The following LPCAT1 variants were observed in gnomAD, a reference collection of about 807,000 sequenced individuals.
LPCAT1 encodes the protein lysophosphatidylcholine acyltransferase 1, also known as 1-acylglycerol-3-phosphate O-acyltransferase.
LPCAT1 carries 23 observed loss-of-function variants against 60.9 expected under a neutral mutation model. That is an observed-to-expected ratio of 0.38 (90% CI 0.27 to 0.53). The LOEUF (loss-of-function observed/expected upper bound fraction) is 0.53. Among genes scored for constraint, LPCAT1 ranks in the 20% least tolerant of loss-of-function variants. The pLI, the probability that LPCAT1 is intolerant of heterozygous loss-of-function variation, is 0.82. For synonymous variants in LPCAT1, 340 were observed against 301.1 expected (o/e 1.13, Z -1.34); for missense variants, 622 against 723.6 (o/e 0.86, Z 1.61).
chr5:1,463,870 G>C (rs1734213837), intron 13 of LPCAT1, 35 bp from the exon 14 acceptor site: 1 of 1,605,756 alleles, frequency 6.2e-7, no homozygotes, highest in Non-Finnish European at 8.5e-7. Context: ...TTATGGAATG[G>C]GGACGAGCAA....
chr5:1,468,087 A>G (rs914957307), intron 12 of LPCAT1, among the ~76,000 whole-genome samples: 1 of 151,980 alleles, frequency 6.6e-6, no homozygotes, highest in Non-Finnish European at 1.5e-5. Context: ...TCAGGGAAGA[A>G]ACGCTGACGC....
At chr5:1,479,801 C>T in intron 7 of LPCAT1, 126 bp from the exon 8 acceptor site, 1 of 719,184 alleles carries the variant, frequency 1.4e-6, no homozygotes, top group Non-Finnish European at 2.4e-6. Context: ...GTCAACGCTC[C>T]CACGGAGGGG....
In LPCAT1 at chr5:1,512,524, G is replaced by A. The variant is rs975044248; in HGVS notation, c.136-10921C>T. Among the ~76,000 whole-genome samples the A allele has an allele frequency of 1.0e-4, 15 of 150,520 alleles. No individual in the cohort carries two copies. In the East Asian group the frequency reaches 1.7e-3, roughly 17 times the overall value. ...AGACACAGCTTGCTGAAGTGCCCAC[G>A]GGGGGCCACATCTCAGACTTTCAAC... On this transcript the variant is annotated intron_variant, in intron 1 of 13. Coordinates refer to ENST00000283415, the MANE Select transcript of LPCAT1 (RefSeq NM_024830.5).
At chr5:1,501,406 T>A (rs1296834992) in intron 2 of LPCAT1, 55 bp downstream of exon 2, 2 of 1,552,870 alleles carry the variant, frequency 1.3e-6, no homozygotes, top group East Asian at 4.8e-5. Context: ...GGGTTCCCAC[T>A]GTTTGGCCGC....
intron 11 of LPCAT1, among the ~76,000 whole-genome samples, chr5:1,473,397 C>T (rs1222101645): frequency 6.6e-6 from 1 of 152,270 alleles, no homozygotes; most frequent in Non-Finnish European, 1.5e-5. Context: ...TGCCACCTCG[C>T]ACCTTCCTAA....
chr5:1,495,632 T>C lies in LPCAT1; in HGVS notation c.279-718A>G, dbSNP rs758915303. ...GGCTGTTATTCCACACCTCAGGGAA[T>C]TGACACGCAGCAGACAGCCACGGTG... On this transcript the variant is annotated intron_variant, in intron 2 of 13. Coordinates refer to ENST00000283415, the MANE Select transcript of LPCAT1 (RefSeq NM_024830.5). This position sits in a 1 kb window ranked among gnomAD's most constrained non-coding sequence, Gnocchi z 4.7. Among the ~76,000 whole-genome samples, 2 of 152,184 alleles carry C rather than the reference T, an allele frequency of 1.3e-5. No individual in the cohort carries two copies. The highest frequency in any genetic ancestry group is 2.9e-5 in the Non-Finnish European group (2 of 68,040).
chr5:1,480,792 G>C lies in LPCAT1; in HGVS notation c.761+150C>G. 5.3e-6 allele frequency: 5 copies of C among 950,376 alleles called. No homozygotes were observed. The highest frequency in any genetic ancestry group is 8.5e-6 in the Non-Finnish European group (5 of 587,052). 58.9% of individuals were successfully genotyped at this position (950,376 alleles called of 1,614,324 possible). A position where few individuals can be genotyped will look rare whatever the true frequency, so the allele number is the denominator to read the frequency against. ...TGTCAGGCCTGGGCCACATCTGTAC[G>C]TTTAGTTTTCACAATGGGCTGAACC... On this transcript the variant is annotated intron_variant, in intron 7 of 13. Transcript: ENST00000283415. The surrounding 1 kb of genome is among the most constrained non-coding windows in gnomAD (Gnocchi z 6.4).
At chr5:1,490,474 G>C (rs1167634539) in intron 3 of LPCAT1, among the ~76,000 whole-genome samples, 1 of 152,266 alleles carries the variant, frequency 6.6e-6, no homozygotes, top group African/African-American at 2.4e-5. Context: ...GGCCATAGGA[G>C]GATGTGGCCA....
intron 12 of LPCAT1, among the ~76,000 whole-genome samples, chr5:1,469,175 C>T (rs1422161590): frequency 6.6e-6 from 1 of 152,174 alleles, no homozygotes; most frequent in Non-Finnish European, 1.5e-5. Flanking sequence ...AAGTGATCAC[C>T]CATCCTGCCC....
Position 1,476,291 on chromosome 5 carries a change from T to C in LPCAT1, c.899+1113A>G, listed in dbSNP as rs1377774564. Reference sequence around the variant, plus strand: ...TCGGCGCCTACTCAGCTTTTTGTATTGTTCAGAGCTGCCTGTGGTGGGGGT... The same window carrying C: ...TCGGCGCCTACTCAGCTTTTTGTATCGTTCAGAGCTGCCTGTGGTGGGGGT... On this transcript the variant is annotated intron_variant, in intron 9 of 13. Coordinates refer to ENST00000283415, the MANE Select transcript of LPCAT1 (RefSeq NM_024830.5). The surrounding 1 kb of genome is among the most constrained non-coding windows in gnomAD (Gnocchi z 8.6). 6.6e-6 allele frequency among the ~76,000 whole-genome samples: 1 copy of C among 151,548 alleles called. No homozygotes were observed. Among genetic ancestry groups the C allele is most frequent in the Non-Finnish European group, 1.5e-5 (1 of 68,004 alleles).
intron 12 of LPCAT1, among the ~76,000 whole-genome samples, chr5:1,469,497 C>G (rs991014489): frequency 1.3e-5 from 2 of 152,152 alleles, no homozygotes; most frequent in Non-Finnish European, 2.9e-5. Context: ...GCCAGCAGAA[C>G]GGGGGGCGGT....
intron 2 of LPCAT1, among the ~76,000 whole-genome samples, chr5:1,498,938 C>G (rs1188242578): frequency 1.3e-5 from 2 of 152,102 alleles, no homozygotes; most frequent in African/African-American, 4.8e-5. Context: ...TACACACATA[C>G]ACACCCTCTC....
Position 1,477,379 on chromosome 5 carries a change from A to C in LPCAT1, c.899+25T>G, listed in dbSNP as rs1454005296. On this transcript the variant is annotated intron_variant, in intron 9 of 13. Coordinates refer to ENST00000283415, the MANE Select transcript of LPCAT1 (RefSeq NM_024830.5). This position sits in a 1 kb window ranked among gnomAD's most constrained non-coding sequence, Gnocchi z 6.0. ...TCTGGGAGACACCCCTGACTCGGCG[A>C]TGGGGGAAGGAGCTGCTCACTTACT... is the stretch of plus-strand genomic sequence containing the variant. 1 of 1,603,928 alleles carries C rather than the reference A, an allele frequency of 6.2e-7. No homozygotes were observed. Among genetic ancestry groups the C allele is most frequent in the Non-Finnish European group, 8.5e-7 (1 of 1,171,474 alleles).
At chr5:1,463,953 G>A in intron 13 of LPCAT1, 118 bp from the exon 14 acceptor site, 1 of 1,024,060 alleles carries the variant, frequency 9.8e-7, no homozygotes, top group East Asian at 2.4e-5. Context: ...GGGAGGGTTA[G>A]AATCGTCTGT....
rs1401680054 is a variant in LPCAT1, at chr5:1,480,884, A to G, written c.761+58T>C. On this transcript the variant is annotated intron_variant, in intron 7 of 13. Coordinates refer to ENST00000283415, the MANE Select transcript of LPCAT1 (RefSeq NM_024830.5). The surrounding 1 kb of genome is among the most constrained non-coding windows in gnomAD (Gnocchi z 6.4). ...CTAGCGTGCACAGCAGACCCCAAGC[A>G]GCCCCTACGTGTTCATGGAACAACA... 2 of 1,602,166 alleles carry G rather than the reference A, an allele frequency of 1.2e-6. No individual in the cohort carries two copies. Among genetic ancestry groups the G allele is most frequent in the African/African-American group, 2.7e-5 (2 of 74,710 alleles).
intron 6 of LPCAT1, among the ~76,000 whole-genome samples, chr5:1,482,144 G>A (rs1735171283): frequency 6.6e-6 from 1 of 152,010 alleles, no homozygotes; most frequent in African/African-American, 2.4e-5. Flanking sequence ...TGGGCTGTGG[G>A]GACCTTGAGT....
At chr5:1,474,185 C>A (rs972132749) in intron 10 of LPCAT1, 75 bp from the exon 11 acceptor site, 1 of 1,451,728 alleles carries the variant, frequency 6.9e-7, no homozygotes, top group Non-Finnish European at 9.4e-7. Flanking sequence ...ACTTCTAAGA[C>A]TCATCAAAAT....
intron 9 of LPCAT1, among the ~76,000 whole-genome samples, chr5:1,475,976 G>A (rs1025786779): frequency 3.3e-5 from 5 of 152,200 alleles, no homozygotes; most frequent in East Asian, 1.9e-4. Context: ...ACCCTCCAAC[G>A]GCCCTGATGT....
Position 1,523,571 on chromosome 5 carries a change from G to T in LPCAT1, c.135+139C>A. ...GGACGCGAACTGAGGGGCGGCCGCG[G>T]GGAGGGAAGGCGCCGCGGCTCGCAG... On this transcript the variant is annotated intron_variant, in intron 1 of 13. Coordinates refer to ENST00000283415, the MANE Select transcript of LPCAT1 (RefSeq NM_024830.5). The surrounding 1 kb of genome is among the most constrained non-coding windows in gnomAD (Gnocchi z 7.1). 2.1e-6 allele frequency: 1 copy of T among 475,898 alleles called. No individual in the cohort carries two copies. The highest frequency in any genetic ancestry group is 2.8e-6 in the Non-Finnish European group (1 of 361,520). The allele number at this position is 475,898 out of a possible 1,614,324, so 29.5% of individuals were successfully genotyped here. A position where few individuals can be genotyped will look rare whatever the true frequency, so the allele number is the denominator to read the frequency against.
Sources: gnomAD v4.1 joint callset for allele counts (sites outside exome capture counted in the v4.1 genomes callset) on GRCh38, gnomAD v4.1.1 for gene constraint, Gnocchi (gnomAD v3.1) non-coding constraint, MANE v1.5 for transcripts, NCBI Gene and HGNC (gene_info 2026-07-23, HGNC 2026-07-21) for gene names.